AGO4: variants seen among roughly 807,000 people sequenced by gnomAD.
AGO4 encodes the protein argonaute RISC component 4.
In AGO4, 33 loss-of-function variants were observed where a neutral mutation model predicts 104.7. The ratio of observed to expected loss-of-function variants is 0.32; its 90% CI spans 0.24 to 0.42. The LOEUF is 0.42. AGO4 is among the 10% of genes least tolerant of loss of function. AGO4 has a pLI of 1.00. For synonymous variants in AGO4, 331 were observed against 364.7 expected, an observed-to-expected ratio of 0.91 and a Z score of 1.05; for missense variants, 711 against 1,083.4, an observed-to-expected ratio of 0.66 and a Z score of 4.83.
At chr1:35,813,265 C>T (rs994929334) in intron 1 of AGO4, among the ~76,000 whole-genome samples, 2 of 151,774 alleles carry the variant, frequency 1.3e-5, no homozygotes, top group Non-Finnish European at 2.9e-5. Flanking sequence ...AAAAATTAGC[C>T]GGGCATGGCA....
chr1:35,821,024 G>GC (rs1643876914), intron 2 of AGO4, among the ~76,000 whole-genome samples: 1 of 152,082 alleles, frequency 6.6e-6, no homozygotes, highest in South Asian at 2.1e-4. Context: ...TAATCATTGT[G>GC]TGATCAGGGA....
At position 35,853,529 on chromosome 1, in the gene AGO4, A is replaced by G; in HGVS notation, c.2510A>G (p.Asn837Ser). The G allele has an allele frequency of 1.2e-6, 2 of 1,613,734 alleles. No individual in the cohort carries two copies. The highest frequency in any genetic ancestry group is 1.7e-6 in the Non-Finnish European group (2 of 1,179,832). Residue 837 changes from asparagine to serine, a missense_variant, in exon 18 of 18, where the codon AAC becomes AGC. Physicochemically the swap from Asn to Ser is conservative, Grantham distance 46. This residue lies in a region of AGO4 where 401 missense variants were observed against 665.5 expected (regional missense o/e 0.60). Transcript: ENST00000373210. ...AEGSHVSGQSNGRDPQALAKA... is the reference protein window; with the variant it reads ...AEGSHVSGQSSGRDPQALAKA... ...GGCAGTCATGTGTCAGGACAGAGCA[A>G]CGGCCGGGATCCTCAGGCCTTGGCT...
intron 2 of AGO4, among the ~76,000 whole-genome samples, chr1:35,821,576 T>C (rs1054334848): frequency 2.6e-5 from 4 of 152,234 alleles, no homozygotes; most frequent in Non-Finnish European, 5.9e-5. Context: ...CTGGCATATA[T>C]GCAAGAACAC....
chr1:35,850,376 C>A, intron 16 of AGO4, 118 bp downstream of exon 16: 1 of 811,528 alleles, frequency 1.2e-6, no homozygotes, highest in Non-Finnish European at 2.2e-6. Context: ...TGCTTGTATC[C>A]TAGAATTATC....
Position 35,841,428 on chromosome 1 carries a change from C to T in AGO4, c.1988C>T (p.Pro663Leu). 6.2e-7 allele frequency: 1 copy of T among 1,614,172 alleles called. No homozygotes were observed. Among genetic ancestry groups the T allele is most frequent in the Non-Finnish European group, 8.5e-7 (1 of 1,180,034 alleles). ...TTCTACAAATCCACACGCTTCAAAC[C>T]CACTCGGATCATCTATTACCGTGGA... is the stretch of plus-strand genomic sequence containing the variant. ...IQFYKSTRFK[P>L]TRIIYYRGGV... Residue 663 changes from proline to leucine, a missense_variant, in exon 14 of 18, where the codon CCC becomes CTC. Pro to Leu is a moderately conservative substitution (Grantham distance 98). This residue lies in a region of AGO4 where 401 missense variants were observed against 665.5 expected (regional missense o/e 0.60). Coordinates refer to ENST00000373210, the MANE Select transcript of AGO4 (RefSeq NM_017629.4). The surrounding 1 kb of genome is among the most constrained non-coding windows in gnomAD (Gnocchi z 4.7).
At chr1:35,828,105 G>T (rs1644077213) in intron 7 of AGO4, among the ~76,000 whole-genome samples, 1 of 151,900 alleles carries the variant, frequency 6.6e-6, no homozygotes, top group Admixed American at 6.6e-5. Context: ...TATCATATAA[G>T]GCTGTCAGGA....
intron 1 of AGO4, among the ~76,000 whole-genome samples, chr1:35,814,137 AGAAG>A (rs1488717401): frequency 2.6e-5 from 4 of 151,488 alleles, no homozygotes; most frequent in East Asian, 3.9e-4. Flanking sequence ...AAGGAAGGAA[AGAAG>A]GAAGGACAGA....
chr1:35,851,323 C>G (rs1644696983), intron 17 of AGO4: 1 of 462,924 alleles, frequency 2.2e-6, no homozygotes, highest in Non-Finnish European at 3.9e-6. Context: ...TTCAGTTCTG[C>G]TCAGGTCCTA....
intron 7 of AGO4, among the ~76,000 whole-genome samples, chr1:35,828,781 A>G (rs1644101469): frequency 6.6e-6 from 1 of 152,106 alleles, no homozygotes; most frequent in Non-Finnish European, 1.5e-5. Context: ...TCGGCCTCCC[A>G]AAGTGCTGGG....
At chr1:35,811,005 A>G (rs947791103) in intron 1 of AGO4, among the ~76,000 whole-genome samples, 5 of 151,522 alleles carry the variant, frequency 3.3e-5, no homozygotes, top group African/African-American at 9.7e-5. Flanking sequence ...AAATATAAAA[A>G]TTAGCTGGGT....
At chr1:35,813,762 AAG>A (rs1456274272) in intron 1 of AGO4, among the ~76,000 whole-genome samples, 2 of 151,046 alleles carry the variant, frequency 1.3e-5, no homozygotes, top group Non-Finnish European at 3.0e-5. Context: ...AAAAGAAAAA[AAG>A]AAGAAGAAGA....
At chr1:35,850,028 G>C (rs1644662883) in intron 15 of AGO4, 129 bp from the exon 16 acceptor site, 1 of 614,248 alleles carries the variant, frequency 1.6e-6, no homozygotes. Flanking sequence ...TCAACATCTT[G>C]AATGAAAGTG....
chr1:35,843,460 A>C (rs1644497261), intron 15 of AGO4, among the ~76,000 whole-genome samples: 1 of 151,938 alleles, frequency 6.6e-6, no homozygotes, highest in Admixed American at 6.6e-5. Context: ...TTAAATTAAA[A>C]GGGCTGTTTT....
At chr1:35,826,681 A>T (rs1644027936) in intron 6 of AGO4, 67 bp from the exon 7 acceptor site, 10 of 1,321,864 alleles carry the variant, frequency 7.6e-6, no homozygotes, top group African/African-American at 1.5e-5. Flanking sequence ...TGAAGACAAC[A>T]TTTGAATCTG....
Position 35,822,931 on chromosome 1 carries a change from T to C in AGO4, c.255T>C (p.Asp85=), listed in dbSNP as rs1009603127. ...QIFGDRQPGY[D]GKRNMYTAHP... is the part of the protein sequence containing the mutation. ...TTGGTGATCGGCAGCCTGGGTATGA[T>C]GGCAAAAGAAACATGTACACAGCAC... The change falls in exon 3 of 18, where the codon GAT becomes GAC. Residue 85 remains aspartate (D), a synonymous_variant. Coordinates refer to ENST00000373210, the MANE Select transcript of AGO4 (RefSeq NM_017629.4). The C allele has an allele frequency of 1.2e-6, 2 of 1,613,948 alleles. No individual in the cohort carries two copies. Among genetic ancestry groups the C allele is most frequent in the African/African-American group, 2.7e-5 (2 of 74,892 alleles).
chr1:35,825,232 G>A (rs1384938672), intron 3 of AGO4, 81 bp from the exon 4 acceptor site: 1 of 1,404,316 alleles, frequency 7.1e-7, no homozygotes, highest in Non-Finnish European at 9.9e-7. Context: ...CCTTATGCAT[G>A]TATCATACTG....
At position 35,855,550 on chromosome 1, in the gene AGO4, C is replaced by T. The variant is rs1453932347; in HGVS notation, c.*1945C>T. 6.6e-6 allele frequency: 1 copy of T among 152,444 alleles called. No homozygotes were observed. Among genetic ancestry groups the T allele is most frequent in the African/African-American group, 2.4e-5 (1 of 41,384 alleles). The allele number at this position is 152,444 out of a possible 1,614,324, so 9.4% of individuals were successfully genotyped here. A position where few individuals can be genotyped will look rare whatever the true frequency, so the allele number is the denominator to read the frequency against. ...TGCTCATTAAGCTGAGTGCAGACGT[C>T]CTTAATCCCTGCAGATAGTGGGATG... On this transcript the variant is annotated 3_prime_UTR_variant, in exon 18 of 18. Coordinates refer to ENST00000373210, the MANE Select transcript of AGO4 (RefSeq NM_017629.4).
At chr1:35,838,341 C>T (rs1644363272) in intron 13 of AGO4, among the ~76,000 whole-genome samples, 1 of 152,134 alleles carries the variant, frequency 6.6e-6, no homozygotes. Context: ...TAGGCATGAG[C>T]CACTATGCCC....
chr1:35,831,224 TG>T, intron 7 of AGO4, among the ~76,000 whole-genome samples: 1 of 151,996 alleles, frequency 6.6e-6, no homozygotes, highest in South Asian at 2.1e-4. Context: ...TAGCTGGGCA[TG>T]GTGGCACACG....
Sources: gnomAD v4.1 joint callset for allele counts (sites outside exome capture counted in the v4.1 genomes callset) on GRCh38, gnomAD v4.1.1 for gene constraint, gnomAD v4.1.1 regional missense constraint, Gnocchi (gnomAD v3.1) non-coding constraint, MANE v1.5 for transcripts, NCBI Gene and HGNC (gene_info 2026-07-23, HGNC 2026-07-21) for gene names.